The following SSPN variants were observed in gnomAD, a reference collection of about 807,000 sequenced individuals.
SSPN encodes K-ras oncogene-associated protein.
SSPN carries 15 observed loss-of-function variants against 19.1 expected under a neutral mutation model. The ratio of observed to expected loss-of-function variants is 0.78; its 90% CI spans 0.52 to 1.21. SSPN has a LOEUF of 1.21. Among genes scored for constraint, SSPN ranks in the 50% most tolerant of loss-of-function variants. SSPN has a pLI of 0.00. For missense variants in SSPN, 291 were observed against 314.0 expected, an observed-to-expected ratio of 0.93 and a Z score of 0.55; for synonymous variants, 147 against 140.3, an observed-to-expected ratio of 1.05 and a Z score of -0.34.
intron 1 of SSPN, among the ~76,000 whole-genome samples, chr12:26,205,613 T>C (rs887123310): frequency 2.0e-5 from 3 of 152,156 alleles, no homozygotes; most frequent in Non-Finnish European, 4.4e-5. Flanking sequence ...ATCAATTCTG[T>C]TGGAGGTTGG....
Position 26,231,185 on chromosome 12 carries a change from CT to C in SSPN, c.*110del. The C allele has an allele frequency of 7.5e-7, 1 of 1,331,058 alleles. No homozygotes were observed. Among genetic ancestry groups the C allele is most frequent in the South Asian group, 1.8e-5 (1 of 56,082 alleles). The allele number at this position is 1,331,058 out of a possible 1,614,324, so 82.5% of individuals were successfully genotyped here. A position where few individuals can be genotyped will look rare whatever the true frequency, so the allele number is the denominator to read the frequency against. On this transcript the variant is annotated 3_prime_UTR_variant, in exon 3 of 3. Coordinates refer to ENST00000242729, the MANE Select transcript of SSPN (RefSeq NM_005086.5). ...GGAAAAAAATTGACAATAAAAGTCA[CT>C]CTTCTAATTGAATATTTTTATATTT...
At position 26,232,680 on chromosome 12, in the gene SSPN, G is replaced by A. The variant is rs532313758; in HGVS notation, c.*1604G>A. On this transcript the variant is annotated 3_prime_UTR_variant, in exon 3 of 3. Transcript: ENST00000242729. ...ATAAATATCCAGTATAAAGGAAAGC[G>A]TTAAGTCGGTAAGCTAGAGGATTGT... The A allele has an allele frequency of 5.1e-5, 50 of 985,050 alleles. No homozygotes were observed. The highest frequency in any genetic ancestry group is 1.0e-3 in the Middle Eastern group (2 of 1,912). The allele number at this position is 985,050 out of a possible 1,614,324, so 61.0% of individuals were successfully genotyped here. A position where few individuals can be genotyped will look rare whatever the true frequency, so the allele number is the denominator to read the frequency against.
intron 1 of SSPN, among the ~76,000 whole-genome samples, chr12:26,159,251 A>G (rs1002606518): frequency 6.6e-6 from 1 of 152,220 alleles, no homozygotes; most frequent in Non-Finnish European, 1.5e-5. Context: ...GGGGTCATCT[A>G]AGGCCACAGA....
chr12:26,122,146 A>G, exon 1 of SSPN: 1 of 1,547,308 alleles, frequency 6.5e-7, no homozygotes, highest in South Asian at 1.2e-5. Context: ...GGCCCGGCGA[A>G]GGGCAGGTGG....
chr12:26,124,460 C>G (rs544091746), intron 1 of SSPN: 1 of 1,543,118 alleles, frequency 6.5e-7, no homozygotes, highest in Admixed American at 1.7e-5. Context: ...ACTGTGAAAT[C>G]AATGGCTCTA....
At chr12:26,201,023 A>ATATATATATATATATAT (rs1944875046) in intron 1 of SSPN, among the ~76,000 whole-genome samples, 2 of 33,454 alleles carry the variant, frequency 6.0e-5, no homozygotes, top group African/African-American at 4.0e-4. Flanking sequence ...ATATATATAT[A>ATATATATATATATATAT]TATATATATA....
chr12:26,222,677 A>G lies in SSPN; in HGVS notation c.280-1616A>G, dbSNP rs187888017. ...CTTTATCAATGTTTTAAGCTTTCCA[A>G]AATTGAATGTGAATAGATATACTTT... On this transcript the variant is annotated intron_variant, in intron 1 of 2. Coordinates refer to ENST00000242729, the MANE Select transcript of SSPN (RefSeq NM_005086.5). Among the ~76,000 whole-genome samples, 687 of 152,368 alleles carry G rather than the reference A, an allele frequency of 4.5e-3. 6 individuals are homozygous for G. Among genetic ancestry groups the G allele is most frequent in the Admixed American group, 0.015 (234 of 15,312 alleles).
At chr12:26,149,362 A>G (rs1338601737) in intron 1 of SSPN, among the ~76,000 whole-genome samples, 1 of 151,726 alleles carries the variant, frequency 6.6e-6, no homozygotes, top group African/African-American at 2.4e-5. Context: ...GCACTGTGAG[A>G]GCAAGAATTA....
chr12:26,189,041 TA>T (rs1565681900), intron 1 of SSPN, among the ~76,000 whole-genome samples: 1 of 152,184 alleles, frequency 6.6e-6, no homozygotes, highest in East Asian at 1.9e-4. Flanking sequence ...TTGTTTTTTT[TA>T]ATGTAACCTG....
chr12:26,192,681 C>G (rs1004899196), upstream of SSPN, among the ~76,000 whole-genome samples: 2 of 152,188 alleles, frequency 1.3e-5, no homozygotes, highest in African/African-American at 4.8e-5. Context: ...GTGAGTTTCC[C>G]TAGACCACCA....
chr12:26,201,794 A>T (rs918584909), intron 1 of SSPN, among the ~76,000 whole-genome samples: 5 of 152,220 alleles, frequency 3.3e-5, no homozygotes, highest in African/African-American at 1.2e-4. Flanking sequence ...AAAATAATTT[A>T]TTCTCTTACT....
At chr12:26,132,699 A>C (rs1310749443) in intron 1 of SSPN, among the ~76,000 whole-genome samples, 1 of 152,072 alleles carries the variant, frequency 6.6e-6, no homozygotes, top group Non-Finnish European at 1.5e-5. Context: ...AAGCATATAC[A>C]ATTTCACTGT....
chr12:26,221,823 G>A (rs1231004488), intron 1 of SSPN, among the ~76,000 whole-genome samples: 1 of 152,158 alleles, frequency 6.6e-6, no homozygotes, highest in Non-Finnish European at 1.5e-5. Context: ...TGTGCCTAGG[G>A]ATATAAGCAG....
chr12:26,172,990 A>G (rs1253103911), intron 1 of SSPN, among the ~76,000 whole-genome samples: 2 of 152,112 alleles, frequency 1.3e-5, no homozygotes, highest in African/African-American at 2.4e-5. Context: ...ACAATTTTTT[A>G]ACTAGCTCTC....
At chr12:26,214,218 G>A (rs530968213) in intron 1 of SSPN, among the ~76,000 whole-genome samples, 1 of 152,284 alleles carries the variant, frequency 6.6e-6, no homozygotes, top group East Asian at 1.9e-4. Flanking sequence ...CGGTCCCCCA[G>A]CCTGCATGGT....
At chr12:26,192,762 T>C (rs1944797135), upstream of SSPN, among the ~76,000 whole-genome samples, 1 of 152,248 alleles carries the variant, frequency 6.6e-6, no homozygotes, top group African/African-American at 2.4e-5. Flanking sequence ...ATGTTGTTCA[T>C]TTACATTGCT....
intron 1 of SSPN, among the ~76,000 whole-genome samples, chr12:26,134,236 T>C (rs1020276936): frequency 6.6e-6 from 1 of 152,174 alleles, no homozygotes; most frequent in South Asian, 2.1e-4. Context: ...CTCACACTGT[T>C]TTGATTGATT....
At chr12:26,154,634 T>G (rs1296464436) in intron 1 of SSPN, among the ~76,000 whole-genome samples, 2 of 152,182 alleles carry the variant, frequency 1.3e-5, no homozygotes, top group Non-Finnish European at 1.5e-5. Context: ...ACCTTTCTAA[T>G]TTATAAAATG....
chr12:26,228,311 A>G (rs1045463371), intron 2 of SSPN, among the ~76,000 whole-genome samples: 5 of 151,720 alleles, frequency 3.3e-5, no homozygotes, highest in Non-Finnish European at 2.9e-5. Flanking sequence ...AGGCATGAGA[A>G]TCGCTTCAAC....
Sources: gnomAD v4.1 joint callset for allele counts (sites outside exome capture counted in the v4.1 genomes callset) on GRCh38, gnomAD v4.1.1 for gene constraint, MANE v1.5 for transcripts, NCBI Gene and HGNC (gene_info 2026-07-23, HGNC 2026-07-21) for gene names.